SPEG: variants seen among roughly 807,000 people sequenced by gnomAD.
The protein encoded by SPEG is striated muscle preferentially expressed protein kinase.
A neutral mutation model predicts 300.4 loss-of-function variants in SPEG; 114 were observed. The ratio of observed to expected loss-of-function variants is 0.38; its 90% CI spans 0.33 to 0.44. The LOEUF (loss-of-function observed/expected upper bound fraction) is 0.44, where lower values mean the gene tolerates loss of function less well. Ranked by LOEUF, SPEG falls within the 20% of genes least tolerant of loss-of-function variation. The pLI, the probability that SPEG is intolerant of heterozygous loss-of-function variation, is 1.00. For synonymous variants in SPEG, 1,964 were observed against 2,018.9 expected (o/e 0.97, Z 0.73); for missense variants, 4,201 against 4,586.2 (o/e 0.92, Z 2.43).
rs776688068 is a variant in SPEG, at chr2:219,448,113, C to T, written c.955C>T (p.Arg319Trp). ...CCCACCGTCCCCTCGGGTCGGGAAG[C>T]GGTCCCCGCCGGGACCCCCGGCCCA... Reference protein sequence around the residue: ...LPPPSPRVGKRSPPGPPAQPA... With the variant: ...LPPPSPRVGKWSPPGPPAQPA... The change falls in exon 4 of 41, where the codon CGG (arginine) becomes TGG (tryptophan). Residue 319 changes from arginine to tryptophan, a missense_variant. By Grantham distance (101) the Arg-to-Trp change is moderately radical. This residue lies in a region of SPEG where 1,258 missense variants were observed against 1,293.9 expected (regional missense o/e 0.97). Transcript: ENST00000312358. 6.2e-7 allele frequency: 1 copy of T among 1,600,988 alleles called. No homozygotes were observed. Among genetic ancestry groups the T allele is most frequent in the Non-Finnish European group, 8.5e-7 (1 of 1,173,898 alleles).
chr2:219,483,360 G>C lies in SPEG; in HGVS notation c.5897G>C (p.Gly1966Ala), dbSNP rs759849782. 28 of 1,604,576 alleles carry C rather than the reference G, an allele frequency of 1.7e-5. No individual in the cohort carries two copies. In the Admixed American group the frequency reaches 2.9e-4, roughly 16 times the overall value. ...EDEALGTPET[G>A]AATPMDWQEQ... ...GAGGCCCTGGGGACCCCAGAGACTG[G>C]GGCTGCCACCCCCATGGACTGGCAG... Residue 1966 changes from glycine (G) to alanine (A), a missense_variant, in exon 30 of 41, where the codon GGG becomes GCG. Gly to Ala is a moderately conservative substitution (Grantham distance 60). Transcript: ENST00000312358.
chr2:219,492,444 C>T (rs1389720774), intron 40 of SPEG, 150 bp from the exon 41 acceptor site: 35 of 1,068,282 alleles, frequency 3.3e-5, no homozygotes, highest in South Asian at 9.2e-5. Flanking sequence ...GTCCCCATTC[C>T]GGAGACTGGG....
chr2:219,474,795 CTT>C (rs34814828), intron 18 of SPEG, among the ~76,000 whole-genome samples: 81,772 of 110,090 alleles, frequency 0.74, 31,275 homozygotes, highest in South Asian at 0.89. Flanking sequence ...AGCAAGGATT[CTT>C]TTTTTTTTTT....
Position 219,483,528 on chromosome 2 carries a change from G to C in SPEG, c.6065G>C (p.Arg2022Pro), listed in dbSNP as rs1431084811. The C allele has an allele frequency of 2.1e-6, 3 of 1,405,996 alleles. No individual in the cohort carries two copies. The highest frequency in any genetic ancestry group is 2.7e-6 in the Non-Finnish European group (3 of 1,092,470). The allele number at this position is 1,405,996 out of a possible 1,614,324, so 87.1% of individuals were successfully genotyped here. The change falls in exon 30 of 41, where the codon CGG becomes CCG. Residue 2022 changes from arginine (R) to proline (P), a missense_variant. Physicochemically the swap from Arg to Pro is moderately radical, Grantham distance 103. Transcript: ENST00000312358. ...RGSSAESALP[R>P]AGPRELGRGL... ...AGCTCGGCTGAGAGCGCCCTGCCCC[G>C]GGCCGGGCCGCGGGAGCTGGGCCGG...
rs1691097176 is a variant in SPEG, at chr2:219,464,697, A to G, written c.2881+89A>G. ...GCTCTCACACAGCCTCAGTTAGAGG[A>G]TGCCACCACTGAAAGGGCCTTAAGG... is the stretch of plus-strand genomic sequence containing the variant. On this transcript the variant is annotated intron_variant, in intron 9 of 40. Transcript: ENST00000312358. The surrounding 1 kb of genome is among the most constrained non-coding windows in gnomAD (Gnocchi z 4.5). 7.3e-7 allele frequency: 1 copy of G among 1,377,330 alleles called. No individual in the cohort carries two copies. The allele number at this position is 1,377,330 out of a possible 1,614,324, so 85.3% of individuals were successfully genotyped here.
chr2:219,473,232 A>T lies in SPEG; in HGVS notation c.4147+136A>T. 1.2e-6 allele frequency: 1 copy of T among 869,532 alleles called. No homozygotes were observed. Among genetic ancestry groups the T allele is most frequent in the Non-Finnish European group, 1.8e-6 (1 of 568,186 alleles). The allele number at this position is 869,532 out of a possible 1,614,324, so 53.9% of individuals were successfully genotyped here. Reference sequence around the variant, plus strand: ...GCCTAGCCGGGCGGGACCTTGGCCCATCTGTACACTTCCTTCTCCCTCCTG... The same window carrying T: ...GCCTAGCCGGGCGGGACCTTGGCCCTTCTGTACACTTCCTTCTCCCTCCTG... On this transcript the variant is annotated intron_variant, in intron 16 of 40. Transcript: ENST00000312358. This position sits in a 1 kb window ranked among gnomAD's most constrained non-coding sequence, Gnocchi z 4.6.
chr2:219,470,032 G>A (rs753036755), intron 13 of SPEG, among the ~76,000 whole-genome samples: 1 of 152,156 alleles, frequency 6.6e-6, no homozygotes, highest in African/African-American at 2.4e-5. Flanking sequence ...TGAGTCTTGT[G>A]TGAGAAGGTC....
At chr2:219,441,877 T>TGCCGCC (rs1218145185) in intron 1 of SPEG, 1 of 212,972 alleles carries the variant, frequency 4.7e-6, no homozygotes, top group African/African-American at 2.4e-5. Flanking sequence ...CCGCCGCTGC[T>TGCCGCC]GCCGCCGCCG....
rs1334606087 is a variant in SPEG at position 219,458,852 on chromosome 2, T to A, written c.2441-3030T>A. On this transcript the variant is annotated intron_variant, in intron 6 of 40. Coordinates refer to ENST00000312358, the MANE Select transcript of SPEG (RefSeq NM_005876.5). The surrounding 1 kb of genome is among the most constrained non-coding windows in gnomAD (Gnocchi z 4.2). ...TGCAGGCTGGAGTAAGGTTGAGGAA[T>A]CTATATTTTAAATAAGCCCGAGGTG... Among the ~76,000 whole-genome samples the A allele has an allele frequency of 2.6e-5, 4 of 152,154 alleles. No homozygotes were observed. The highest frequency in any genetic ancestry group is 6.5e-5 in the Admixed American group (1 of 15,278).
At position 219,472,957 on chromosome 2, in the gene SPEG, C is replaced by T. The variant is rs766374370; in HGVS notation, c.4008C>T (p.Val1336=). Residue 1336 remains valine (V), a synonymous_variant, in exon 16 of 41, where the codon GTC becomes GTT. Coordinates refer to ENST00000312358, the MANE Select transcript of SPEG (RefSeq NM_005876.5). ...GCTCGGACCAGTGGACGGCACTGGT[C>T]ACAGGCCTGCGGGAGCCAGGGTGGG... is the stretch of plus-strand genomic sequence containing the variant. ...VLGSDQWTAL[V]TGLREPGWAA... 6.2e-7 allele frequency: 1 copy of T among 1,613,756 alleles called. No individual in the cohort carries two copies. Among genetic ancestry groups the T allele is most frequent in the Non-Finnish European group, 8.5e-7 (1 of 1,179,988 alleles).
In SPEG at chr2:219,469,170, A is replaced by G; in HGVS notation, c.3506A>G (p.Lys1169Arg). 2 of 1,613,878 alleles carry G rather than the reference A, an allele frequency of 1.2e-6. No individual in the cohort carries two copies. The highest frequency in any genetic ancestry group is 1.7e-6 in the Non-Finnish European group (2 of 1,179,976). Reference protein sequence around the residue: ...AASGPSSKLEKMPSIPEEPEQ... With the variant: ...AASGPSSKLERMPSIPEEPEQ... ...TGGTCTTGCAGCTCGAAGCTGGAGA[A>G]GATGCCATCCATTCCCGAGGAGCCA... The change falls in exon 13 of 41, where the codon AAG becomes AGG. Residue 1169 changes from lysine to arginine, a missense_variant. Transcript: ENST00000312358.
chr2:219,464,791 C>G lies in SPEG; in HGVS notation c.2881+183C>G. 1 of 599,754 alleles carries G rather than the reference C, an allele frequency of 1.7e-6. No homozygotes were observed. Among genetic ancestry groups the G allele is most frequent in the Non-Finnish European group, 3.0e-6 (1 of 338,246 alleles). The allele number at this position is 599,754 out of a possible 1,614,324, so 37.2% of individuals were successfully genotyped here. On this transcript the variant is annotated intron_variant, in intron 9 of 40. Transcript: ENST00000312358. The surrounding 1 kb of genome is among the most constrained non-coding windows in gnomAD (Gnocchi z 4.5). Reference sequence around the variant, plus strand: ...GCCCAGAGACAGGAAGTGACCTGCCCAAAGCTGCACAGCACATTGTTCCGT... The same window carrying G: ...GCCCAGAGACAGGAAGTGACCTGCCGAAAGCTGCACAGCACATTGTTCCGT...
rs200718513 is a variant in SPEG at position 219,489,521 on chromosome 2, C to T, written c.8503C>T (p.Leu2835Phe). The T allele has an allele frequency of 6.2e-7, 1 of 1,613,212 alleles. No homozygotes were observed. Among genetic ancestry groups the T allele is most frequent in the Middle Eastern group, 1.7e-4 (1 of 6,058 alleles). ...ACCTCCTAGCCAGGCCTTGTCCTCGCTCAAGGCTGTGGGTCCACCACCCCA... is the reference window on the plus strand; with the variant it reads ...ACCTCCTAGCCAGGCCTTGTCCTCGTTCAAGGCTGTGGGTCCACCACCCCA... ...PTPPSQALSSLKAVGPPPQTP... is the reference protein window; with the variant it reads ...PTPPSQALSSFKAVGPPPQTP... Residue 2835 changes from leucine (L) to phenylalanine (F), a missense_variant, in exon 36 of 41, where the codon CTC (leucine) becomes TTC (phenylalanine). This residue lies in a region of SPEG where 1,578 missense variants were observed against 1,506.0 expected (regional missense o/e 1.05). Coordinates refer to ENST00000312358, the MANE Select transcript of SPEG (RefSeq NM_005876.5).
rs758102466 is a variant in SPEG, at chr2:219,444,725, C to T, written c.461C>T (p.Ala154Val). 4.3e-6 allele frequency: 7 copies of T among 1,613,858 alleles called. No homozygotes were observed. Among genetic ancestry groups the T allele is most frequent in the East Asian group, 2.2e-5 (1 of 44,878 alleles). The change falls in exon 2 of 41, where the codon GCC (alanine) becomes GTC (valine). Residue 154 changes from alanine (A) to valine (V), a missense_variant. Ala to Val is a moderately conservative substitution (Grantham distance 64). This residue lies in a region of SPEG where 1,258 missense variants were observed against 1,293.9 expected (regional missense o/e 0.97). Transcript: ENST00000312358. The surrounding 1 kb of genome is among the most constrained non-coding windows in gnomAD (Gnocchi z 7.8). Reference sequence around the variant, plus strand: ...CGCCTGGAGCTTCGGGATGACGGGGCCTTCAGCACCCCCACGGGTGAGCTC... The same window carrying T: ...CGCCTGGAGCTTCGGGATGACGGGGTCTTCAGCACCCCCACGGGTGAGCTC... ...TQRLELRDDG[A>V]FSTPTGGSDT...
chr2:219,467,454 T>A lies in SPEG; in HGVS notation c.3142+20T>A. 1 of 1,585,432 alleles carries A rather than the reference T, an allele frequency of 6.3e-7. No homozygotes were observed. The highest frequency in any genetic ancestry group is 8.6e-7 in the Non-Finnish European group (1 of 1,162,736). Reference sequence around the variant, plus strand: ...CCAAAGGTAACTCCCCACTCAGGCATTGGGCTGCCGTGGGTGCCCAAGAGC... The same window carrying A: ...CCAAAGGTAACTCCCCACTCAGGCAATGGGCTGCCGTGGGTGCCCAAGAGC... On this transcript the variant is annotated intron_variant, in intron 10 of 40. Transcript: ENST00000312358.
At position 219,485,462 on chromosome 2, in the gene SPEG, G is replaced by A. The variant is rs200753798; in HGVS notation, c.7726G>A (p.Val2576Met). 5 of 1,591,274 alleles carry A rather than the reference G, an allele frequency of 3.1e-6. No homozygotes were observed. The highest frequency in any genetic ancestry group is 4.3e-6 in the Non-Finnish European group (5 of 1,167,622). The stretch of plus-strand genomic sequence containing the variant: ...CCAGGAGGAGTTGGGTCACCAGTAC[G>A]TGCGCAGTGAGTCAGGTAATAAGAG... The part of the protein sequence containing the change: ...SVQEELGHQY[V>M]RSESDFPPVF... Residue 2576 changes from valine to methionine, a missense_variant, in exon 31 of 41, where the codon GTG (valine) becomes ATG (methionine). Physicochemically the swap from Val to Met is conservative, Grantham distance 21 (BLOSUM62 1). Around this residue, in one of 4 missense-constraint regions of SPEG, gnomAD observed 1,578 missense variants for 1,506.0 expected, o/e 1.05. Transcript: ENST00000312358.
In SPEG at chr2:219,472,226, G is replaced by C; in HGVS notation, c.3836-1G>C. ...GCAGACATTCGAACTGCGGCTTTCA[G>C]ATGTGGTCCCAGGCCCTCCAGATGG... is the stretch of plus-strand genomic sequence containing the variant. On this transcript the variant is annotated splice_acceptor_variant, in intron 14 of 40. Coordinates refer to ENST00000312358, the MANE Select transcript of SPEG (RefSeq NM_005876.5). LOFTEE classifies it high-confidence loss of function. 6.2e-7 allele frequency: 1 copy of C among 1,613,606 alleles called. No individual in the cohort carries two copies. The highest frequency in any genetic ancestry group is 8.5e-7 in the Non-Finnish European group (1 of 1,179,926).
In SPEG at chr2:219,492,858, C is replaced by T. The variant is rs1694104880; in HGVS notation, c.*72C>T. ...CAATGCCACGGGACATTCCAGGGCC[C>T]ACGCTGAGCCAGGCGGGCCTGGGGC... On this transcript the variant is annotated 3_prime_UTR_variant, in exon 41 of 41. Transcript: ENST00000312358. 2.1e-6 allele frequency: 3 copies of T among 1,462,824 alleles called. No homozygotes were observed. Among genetic ancestry groups the T allele is most frequent in the Non-Finnish European group, 2.8e-6 (3 of 1,081,748 alleles). 90.6% of individuals were successfully genotyped at this position (1,462,824 alleles called of 1,614,324 possible). A position where few individuals can be genotyped will look rare whatever the true frequency, so the allele number is the denominator to read the frequency against.
At chr2:219,441,719 G>T (rs562566666) in intron 1 of SPEG, 33 of 388,060 alleles carry the variant, frequency 8.5e-5, no homozygotes, top group South Asian at 6.1e-4. Context: ...CAGGGTGGGG[G>T]TCCGTGGCTC....
Sources: gnomAD v4.1 joint callset for allele counts (sites outside exome capture counted in the v4.1 genomes callset) on GRCh38, gnomAD v4.1.1 for gene constraint, gnomAD v4.1.1 regional missense constraint, Gnocchi (gnomAD v3.1) non-coding constraint, MANE v1.5 for transcripts, NCBI Gene and HGNC (gene_info 2026-07-23, HGNC 2026-07-21) for gene names.